The following KDM4C variants were observed in gnomAD, a reference collection of about 807,000 sequenced individuals.
KDM4C encodes lysine-specific demethylase 4C.
Under a neutral mutation model 129.3 loss-of-function variants are expected in KDM4C, and 81 were observed. The observed-to-expected ratio is 0.63, with a 90% confidence interval of 0.52 to 0.75. The LOEUF is 0.75. KDM4C is among the 30% of genes least tolerant of loss of function. The probability of loss-of-function intolerance (pLI) is 0.00; values close to 1 mark genes in which losing one functional copy is unlikely to be tolerated. For missense variants in KDM4C, 1,457 were observed against 1,304.0 expected (o/e 1.12, Z -1.81); for synonymous variants, 573 against 456.1 (o/e 1.26, Z -3.26).
chr9:6,928,623 C>T lies in KDM4C; in HGVS notation c.921+35391C>T, dbSNP rs1374749424. 5.3e-5 allele frequency among the ~76,000 whole-genome samples: 8 copies of T among 151,472 alleles called. No individual in the cohort carries two copies. In the East Asian group the frequency reaches 5.8e-4, roughly 11 times the overall value. ...TCTTTTTTTTTTTTAATAATAATGG[C>T]ATCACCTGTTTGTGGCGGATGAAAG... is the stretch of plus-strand genomic sequence containing the variant. On this transcript the variant is annotated intron_variant, in intron 8 of 21. Coordinates refer to ENST00000381309, the MANE Select transcript of KDM4C (RefSeq NM_015061.6).
chr9:7,011,898 A>G lies in KDM4C; in HGVS notation c.1968+19A>G. 6.2e-7 allele frequency: 1 copy of G among 1,602,748 alleles called. No homozygotes were observed. The highest frequency in any genetic ancestry group is 8.5e-7 in the Non-Finnish European group (1 of 1,171,294). On this transcript the variant is annotated intron_variant, in intron 13 of 21. Coordinates refer to ENST00000381309, the MANE Select transcript of KDM4C (RefSeq NM_015061.6). ...CCACAAGGTAAAGGAGCCTGCTATC[A>G]TAGTTCCCTTCACTGCTCTGCCTTC...
At chr9:7,053,344 G>C (rs1232569348) in intron 17 of KDM4C, among the ~76,000 whole-genome samples, 2 of 152,180 alleles carry the variant, frequency 1.3e-5, no homozygotes, top group Non-Finnish European at 2.9e-5. Flanking sequence ...TTTTGTGGCG[G>C]ATACAGGAAA....
intron 5 of KDM4C, among the ~76,000 whole-genome samples, chr9:6,877,912 CT>C (rs1216347569): frequency 1.3e-5 from 2 of 152,198 alleles, no homozygotes; most frequent in Non-Finnish European, 2.9e-5. Flanking sequence ...ATTCAGGGAA[CT>C]TTCAAAGTTA....
chr9:6,855,025 A>T (rs1471569145), intron 5 of KDM4C, among the ~76,000 whole-genome samples: 1 of 152,264 alleles, frequency 6.6e-6, no homozygotes, highest in South Asian at 2.1e-4. Flanking sequence ...TACAAAGTAC[A>T]TATCACAGCT....
At chr9:6,878,614 G>A (rs545744760) in intron 5 of KDM4C, among the ~76,000 whole-genome samples, 1 of 152,236 alleles carries the variant, frequency 6.6e-6, no homozygotes, top group Admixed American at 6.5e-5. Context: ...TGAGCATATG[G>A]TTGAACTTTA....
At chr9:6,822,367 T>A (rs1185568310) in intron 4 of KDM4C, among the ~76,000 whole-genome samples, 1 of 152,212 alleles carries the variant, frequency 6.6e-6, no homozygotes, top group East Asian at 1.9e-4. Flanking sequence ...AAATCCTTTT[T>A]GAGATAGATG....
At chr9:7,131,615 G>A (rs2133374482) in intron 19 of KDM4C, among the ~76,000 whole-genome samples, 1 of 152,248 alleles carries the variant, frequency 6.6e-6, no homozygotes, top group East Asian at 1.9e-4. Context: ...ACGGTGCCCA[G>A]CCCCACACAC....
At chr9:7,157,021 T>G (rs1161359014) in intron 19 of KDM4C, among the ~76,000 whole-genome samples, 1 of 152,228 alleles carries the variant, frequency 6.6e-6, no homozygotes, top group Non-Finnish European at 1.5e-5. Context: ...CGTCCTCTTT[T>G]ATTTTGTTGA....
intron 8 of KDM4C, among the ~76,000 whole-genome samples, chr9:6,932,707 G>A (rs12339597): frequency 0.016 from 2,366 of 152,258 alleles, 62 homozygotes; most frequent in African/African-American, 0.053. Context: ...CATTGGTTCT[G>A]ACCCCTGGGA....
chr9:7,029,355 C>T (rs1826351137), intron 15 of KDM4C, among the ~76,000 whole-genome samples: 1 of 144,004 alleles, frequency 6.9e-6, no homozygotes, highest in Admixed American at 7.0e-5. Flanking sequence ...CTGTGAAATA[C>T]ATCAACACTA....
intron 1 of KDM4C, among the ~76,000 whole-genome samples, chr9:6,761,793 C>T (rs1023758591): frequency 1.3e-5 from 2 of 152,026 alleles, no homozygotes; most frequent in Admixed American, 6.6e-5. Flanking sequence ...TTTAATGCTT[C>T]TCTCCCAACC....
chr9:6,878,418 A>G (rs574666946), intron 5 of KDM4C, among the ~76,000 whole-genome samples: 3 of 152,328 alleles, frequency 2.0e-5, no homozygotes, highest in South Asian at 2.1e-4. Context: ...TAAGATAGGA[A>G]TAGCTGCACC....
At chr9:7,087,721 C>T (rs746355974) in intron 17 of KDM4C, among the ~76,000 whole-genome samples, 2 of 152,006 alleles carry the variant, frequency 1.3e-5, no homozygotes, top group African/African-American at 2.4e-5. Context: ...GAAAGAAGAG[C>T]CTGTTCTTTT....
At chr9:6,892,891 C>T (rs1846303656) in intron 7 of KDM4C, among the ~76,000 whole-genome samples, 1 of 152,172 alleles carries the variant, frequency 6.6e-6, no homozygotes, top group Non-Finnish European at 1.5e-5. Context: ...CAGCAAGCCA[C>T]ATCCTATTTA....
Position 7,022,882 on chromosome 9 carries a change from T to C in KDM4C, c.2259+6953T>C, listed in dbSNP as rs1314196298. ...GGGATGTTGGACTTTATCAAATGCTTTTTCAGCATCAATTGCAGTGATCAT... is the reference window on the plus strand; with the variant it reads ...GGGATGTTGGACTTTATCAAATGCTCTTTCAGCATCAATTGCAGTGATCAT... On this transcript the variant is annotated intron_variant, in intron 15 of 21. Coordinates refer to ENST00000381309, the MANE Select transcript of KDM4C (RefSeq NM_015061.6). Among the ~76,000 whole-genome samples, 5 of 152,182 alleles carry C rather than the reference T, an allele frequency of 3.3e-5. No individual in the cohort carries two copies. The East Asian group carries it at 9.6e-4, about 29-fold the overall frequency.
intron 6 of KDM4C, among the ~76,000 whole-genome samples, chr9:6,883,015 C>T (rs975284719): frequency 3.9e-5 from 6 of 152,102 alleles, no homozygotes; most frequent in East Asian, 1.9e-4. Flanking sequence ...TTTCTGGGAA[C>T]GCCATCATCA....
At chr9:7,148,091 T>A (rs1587869744) in intron 19 of KDM4C, among the ~76,000 whole-genome samples, 1 of 152,184 alleles carries the variant, frequency 6.6e-6, no homozygotes, top group African/African-American at 2.4e-5. Flanking sequence ...CAGCTCCAGG[T>A]GCCGGCTCCA....
chr9:6,873,903 C>CGAGAGAGAGAGCGAGA (rs1563738218), intron 5 of KDM4C, among the ~76,000 whole-genome samples: 1 of 136,100 alleles, frequency 7.3e-6, no homozygotes, highest in Non-Finnish European at 1.6e-5. Flanking sequence ...CACTTAGAGG[C>CGAGAGAGAGAGCGAGA]GAGAGAGAGA....
chr9:6,961,100 C>G (rs144573614), intron 8 of KDM4C, among the ~76,000 whole-genome samples: 10 of 152,290 alleles, frequency 6.6e-5, no homozygotes, highest in African/African-American at 1.9e-4. Flanking sequence ...AATAGCCACA[C>G]AAGTTTGTTT....
Sources: gnomAD v4.1 joint callset for allele counts (sites outside exome capture counted in the v4.1 genomes callset) on GRCh38, gnomAD v4.1.1 for gene constraint, MANE v1.5 for transcripts, NCBI Gene and HGNC (gene_info 2026-07-23, HGNC 2026-07-21) for gene names.